Variants in TGFBR3 observed in about 807,000 individuals in gnomAD.
The protein encoded by TGFBR3 is transforming growth factor beta receptor type 3.
Under a neutral mutation model 87.9 loss-of-function variants are expected in TGFBR3, and 46 were observed. The ratio of observed to expected loss-of-function variants is 0.52; its 90% CI spans 0.41 to 0.67. TGFBR3 has a LOEUF of 0.67. TGFBR3 is among the 30% of genes least tolerant of loss of function. The pLI is 0.00. For synonymous variants in TGFBR3, 381 were observed against 391.6 expected, an observed-to-expected ratio of 0.97 and a Z score of 0.32; for missense variants, 866 against 1,041.9, an observed-to-expected ratio of 0.83 and a Z score of 2.32.
intron 5 of TGFBR3, among the ~76,000 whole-genome samples, chr1:91,733,263 C>T (rs1025851862): frequency 2.0e-5 from 3 of 152,206 alleles, no homozygotes; most frequent in Non-Finnish European, 2.9e-5. Flanking sequence ...AAGCGTTAAA[C>T]TCAAGAGTCA....
chr1:91,875,637 C>T (rs1357243668), intron 1 of TGFBR3, among the ~76,000 whole-genome samples: 1 of 151,956 alleles, frequency 6.6e-6, no homozygotes, highest in African/African-American at 2.4e-5. Flanking sequence ...TCTATATTCC[C>T]AGCATTTTGG....
intron 3 of TGFBR3, among the ~76,000 whole-genome samples, chr1:91,777,746 C>G (rs1390047522): frequency 6.6e-6 from 1 of 152,188 alleles, no homozygotes; most frequent in Non-Finnish European, 1.5e-5. Flanking sequence ...GTTTCTACGT[C>G]TCCGTACTTT....
At chr1:91,862,570 G>C (rs1361235457) in intron 1 of TGFBR3, among the ~76,000 whole-genome samples, 1 of 152,188 alleles carries the variant, frequency 6.6e-6, no homozygotes, top group Non-Finnish European at 1.5e-5. Context: ...TCTTCAATGA[G>C]AGTTTTGTGG....
Position 91,680,715 on chromosome 1 carries a change from C to T in TGFBR3, c.*3024G>A, listed in dbSNP as rs1352629827. 1 of 453,948 alleles carries T rather than the reference C, an allele frequency of 2.2e-6. No individual in the cohort carries two copies. The highest frequency in any genetic ancestry group is 4.4e-6 in the Non-Finnish European group (1 of 226,790). 28.1% of individuals were successfully genotyped at this position (453,948 alleles called of 1,614,324 possible). On this transcript the variant is annotated 3_prime_UTR_variant, in exon 17 of 17. Transcript: ENST00000212355. ...AAATGTGCTCTGTTAACACAACCAG[C>T]AGTACAATCATCATTCAAACCATGA...
At chr1:91,797,519 T>C (rs1221111881) in intron 2 of TGFBR3, 48 bp from the exon 3 acceptor site, 9 of 1,611,474 alleles carry the variant, frequency 5.6e-6, no homozygotes, top group Non-Finnish European at 7.6e-6. Flanking sequence ...AGCAATTAAT[T>C]CTGCCCCAAA....
At chr1:91,881,005 C>A (rs1456209529) in intron 1 of TGFBR3, among the ~76,000 whole-genome samples, 4 of 151,760 alleles carry the variant, frequency 2.6e-5, no homozygotes, top group African/African-American at 9.7e-5. Context: ...AATGAAAGCA[C>A]CACAAAAAGA....
In TGFBR3 at chr1:91,695,699, C is replaced by T. The variant is rs762499783; in HGVS notation, c.2410G>A (p.Ala804Thr). 6.2e-6 allele frequency: 10 copies of T among 1,613,992 alleles called. No individual in the cohort carries two copies. The African/African-American group carries it at 1.1e-4, about 17-fold the overall frequency. The change falls in exon 16 of 17, where the codon GCC becomes ACC. Residue 804 changes from alanine to threonine, a missense_variant. Transcript: ENST00000212355. ...AFVIGALLTG[A>T]LWYIYSHTGE... ...GTGTGAGAATAGATGTACCACAAGG[C>T]CCCCGTCAGGAGTGCTCCGATCACA...
intron 1 of TGFBR3, among the ~76,000 whole-genome samples, chr1:91,875,705 T>C (rs113014487): frequency 2.0e-3 from 285 of 144,606 alleles, no homozygotes; most frequent in African/African-American, 6.9e-3. Context: ...CTGGCCAACA[T>C]GGCAAAACCT....
intron 16 of TGFBR3, among the ~76,000 whole-genome samples, chr1:91,686,313 T>C (rs1255823677): frequency 1.3e-5 from 2 of 152,224 alleles, no homozygotes; most frequent in African/African-American, 4.8e-5. Flanking sequence ...TGGGAACTCT[T>C]GTTCTGGTAA....
intron 1 of TGFBR3, among the ~76,000 whole-genome samples, chr1:91,865,202 C>A (rs1678346122): frequency 1.9e-5 from 2 of 105,254 alleles, no homozygotes; most frequent in African/African-American, 3.8e-5. Flanking sequence ...GACTCCATCT[C>A]AAAAAAAAAA....
At chr1:91,824,263 A>G (rs960856428) in intron 2 of TGFBR3, among the ~76,000 whole-genome samples, 2 of 152,280 alleles carry the variant, frequency 1.3e-5, no homozygotes, top group Non-Finnish European at 2.9e-5. Flanking sequence ...TGCCAGCTCT[A>G]TAATTTATTG....
intron 16 of TGFBR3, among the ~76,000 whole-genome samples, chr1:91,692,903 A>G (rs968175970): frequency 2.6e-5 from 4 of 152,222 alleles, no homozygotes; most frequent in Admixed American, 6.5e-5. Flanking sequence ...AGTTATTCAA[A>G]TTAAGGATTG....
intron 2 of TGFBR3, among the ~76,000 whole-genome samples, chr1:91,850,780 CAAAAAAAAAAAAA>C (rs61025683): frequency 6.8e-5 from 4 of 58,418 alleles, no homozygotes; most frequent in African/African-American, 1.1e-4. Context: ...GACCCTGTCT[CAAAAAAAAAAAAA>C]AAAAAAAAAA....
intron 13 of TGFBR3, 44 bp from the exon 14 acceptor site, chr1:91,708,827 A>T: frequency 6.2e-7 from 1 of 1,609,148 alleles, no homozygotes; most frequent in South Asian, 1.1e-5. Flanking sequence ...GGCCACTCAA[A>T]AGTGCCTTCA....
chr1:91,792,707 GCAATTAAACTCGGGAGTCCGA>G (rs1424275097), intron 3 of TGFBR3, among the ~76,000 whole-genome samples: 2 of 152,168 alleles, frequency 1.3e-5, no homozygotes, highest in African/African-American at 4.8e-5. Context: ...AACGCCCTGA[GCAATTAAACTCGGGAGTCCGA>G]CACAAGGGGG....
chr1:91,800,734 A>G (rs575002015), intron 2 of TGFBR3, among the ~76,000 whole-genome samples: 2 of 152,186 alleles, frequency 1.3e-5, no homozygotes, highest in African/African-American at 2.4e-5. Context: ...ATCTACCACC[A>G]TCCCCAGGGT....
chr1:91,736,637 T>C (rs1672977588), intron 4 of TGFBR3, among the ~76,000 whole-genome samples: 1 of 152,144 alleles, frequency 6.6e-6, no homozygotes, highest in Admixed American at 6.5e-5. Context: ...GTAACTTCTC[T>C]GAGGCTTAGC....
In TGFBR3 at chr1:91,683,042, T is replaced by C; in HGVS notation, c.*697A>G. 2.2e-6 allele frequency: 1 copy of C among 454,492 alleles called. No homozygotes were observed. The highest frequency in any genetic ancestry group is 4.4e-6 in the Non-Finnish European group (1 of 226,792). The allele number at this position is 454,492 out of a possible 1,614,324, so 28.2% of individuals were successfully genotyped here. A position where few individuals can be genotyped will look rare whatever the true frequency, so the allele number is the denominator to read the frequency against. On this transcript the variant is annotated 3_prime_UTR_variant, in exon 17 of 17. Transcript: ENST00000212355. The stretch of plus-strand genomic sequence containing the variant: ...TTTGCATTAAGACATTTTGCAGTGG[T>C]GTATGCAAGTATGGGAAGAAACAGG...
intron 2 of TGFBR3, among the ~76,000 whole-genome samples, chr1:91,807,243 G>A (rs1254275934): frequency 6.6e-6 from 1 of 152,204 alleles, no homozygotes; most frequent in African/African-American, 2.4e-5. Flanking sequence ...GCTTCAGGCT[G>A]AAGCTTATCC....
Sources: allele counts gnomAD v4.1 joint callset (sites outside exome capture counted in the v4.1 genomes callset), GRCh38; gene constraint gnomAD v4.1.1; transcripts MANE v1.5; gene names NCBI Gene and HGNC (gene_info 2026-07-23, HGNC 2026-07-21).